Variants in PARN observed in about 807,000 individuals in gnomAD.
The protein encoded by PARN is poly(A)-specific ribonuclease PARN.
In PARN, 71 loss-of-function variants were observed where a neutral mutation model predicts 102.8. The ratio of observed to expected loss-of-function variants is 0.69; its 90% CI spans 0.57 to 0.84. The LOEUF (loss-of-function observed/expected upper bound fraction) is 0.84. PARN is among the 40% of genes least tolerant of loss of function. PARN has a pLI of 0.00. For synonymous variants in PARN, 261 were observed against 252.9 expected (o/e 1.03, Z -0.30); for missense variants, 782 against 760.9 (o/e 1.03, Z -0.33).
chr16:14,584,411 G>A lies in PARN; in HGVS notation c.1017C>T (p.Asn339=). Residue 339 remains asparagine, a synonymous_variant, in exon 16 of 24, where the codon AAC becomes AAT. Coordinates refer to ENST00000437198, the MANE Select transcript of PARN (RefSeq NM_002582.4). ...ASTQPFKDII[N]NTSLAELEKR... ...TTTCCAATTCCGCAAGGGATGTGTT[G>A]TTAATGATATCCTGCAAACCACGAA... is the stretch of plus-strand genomic sequence containing the variant. 1 of 1,612,204 alleles carries A rather than the reference G, an allele frequency of 6.2e-7. No homozygotes were observed. Among genetic ancestry groups the A allele is most frequent in the South Asian group, 1.1e-5 (1 of 91,028 alleles).
chr16:14,613,541 T>G (rs2151801628), intron 6 of PARN, among the ~76,000 whole-genome samples: 1 of 151,998 alleles, frequency 6.6e-6, no homozygotes, highest in Non-Finnish European at 1.5e-5. Context: ...GATAATCACG[T>G]GAATCTGGGA....
At chr16:14,556,106 A>ATT (rs1187518648) in intron 18 of PARN, among the ~76,000 whole-genome samples, 2 of 151,730 alleles carry the variant, frequency 1.3e-5, no homozygotes, top group African/African-American at 4.8e-5. Flanking sequence ...AAGTGCTGGC[A>ATT]TTACAGGCGT....
chr16:14,609,231 A>G, intron 7 of PARN, 108 bp from the exon 8 acceptor site: 1 of 590,344 alleles, frequency 1.7e-6, no homozygotes, highest in Non-Finnish European at 3.0e-6. Flanking sequence ...ACATGTGACA[A>G]TGTAATTCTA....
intron 18 of PARN, among the ~76,000 whole-genome samples, chr16:14,557,792 G>C (rs1199332378): frequency 1.3e-5 from 2 of 152,146 alleles, no homozygotes; most frequent in African/African-American, 4.8e-5. Flanking sequence ...TTTGTAAGCT[G>C]TTTTAACCAA....
At chr16:14,526,740 G>C (rs1596577352) in intron 21 of PARN, among the ~76,000 whole-genome samples, 1 of 152,206 alleles carries the variant, frequency 6.6e-6, no homozygotes, top group Non-Finnish European at 1.5e-5. Context: ...GCCATCCTAT[G>C]TCTCCATTTG....
intron 20 of PARN, 145 bp downstream of exon 20, chr16:14,553,920 T>C (rs375446590): frequency 4.5e-5 from 28 of 628,108 alleles, no homozygotes; most frequent in East Asian, 3.3e-4. Flanking sequence ...AACAGTATCC[T>C]AAACCAGAAA....
intron 21 of PARN, among the ~76,000 whole-genome samples, chr16:14,548,752 C>T (rs1417064016): frequency 6.6e-6 from 1 of 152,040 alleles, no homozygotes; most frequent in Non-Finnish European, 1.5e-5. Flanking sequence ...GCCAGGGGTT[C>T]GAAATCGGCC....
intron 21 of PARN, among the ~76,000 whole-genome samples, chr16:14,546,582 T>C (rs1966958204): frequency 6.6e-6 from 1 of 152,350 alleles, no homozygotes; most frequent in Middle Eastern, 3.4e-3. Flanking sequence ...TTTCAAAATA[T>C]GTGAAAAAGC....
rs970985642 is a variant in PARN, at chr16:14,448,312, C to T, written c.1671-1231G>A. On this transcript the variant is annotated intron_variant, in intron 22 of 23. Transcript: ENST00000437198. Reference sequence around the variant, plus strand: ...TACAGGCATGCACCACGAAGTCTGGCTGATTTTTGTATTTTTAGTAGAGAT... The same window carrying T: ...TACAGGCATGCACCACGAAGTCTGGTTGATTTTTGTATTTTTAGTAGAGAT... 3.9e-5 allele frequency among the ~76,000 whole-genome samples: 6 copies of T among 152,330 alleles called. No homozygotes were observed. In the South Asian group the frequency reaches 8.3e-4, roughly 21 times the overall value.
At chr16:14,491,271 G>A (rs1964044772) in intron 21 of PARN, among the ~76,000 whole-genome samples, 1 of 150,552 alleles carries the variant, frequency 6.6e-6, no homozygotes, top group African/African-American at 2.4e-5. Flanking sequence ...CCCAACTGGT[G>A]TACCAGCAAG....
chr16:14,567,742 G>A (rs2151729031), intron 18 of PARN, among the ~76,000 whole-genome samples: 1 of 152,238 alleles, frequency 6.6e-6, no homozygotes, highest in African/African-American at 2.4e-5. Flanking sequence ...GGATGTGCCC[G>A]GCACAGGCAG....
At chr16:14,587,640 T>A (rs1009256379) in intron 13 of PARN, among the ~76,000 whole-genome samples, 1 of 152,198 alleles carries the variant, frequency 6.6e-6, no homozygotes, top group African/African-American at 2.4e-5. Flanking sequence ...AGCCTTCTAA[T>A]TTATTAGGCT....
rs1232126643 is a variant in PARN, at chr16:14,471,345, TTA to T, written c.1670+11291_1670+11292del. On this transcript the variant is annotated intron_variant, in intron 22 of 23. Coordinates refer to ENST00000437198, the MANE Select transcript of PARN (RefSeq NM_002582.4). Reference sequence around the variant, plus strand: ...ATGAACTCAAATGTGATAACTCATATTATATGATAATTCACTCATGAATTATC... The same window carrying T: ...ATGAACTCAAATGTGATAACTCATATTATGATAATTCACTCATGAATTATC... 5.3e-5 allele frequency among the ~76,000 whole-genome samples: 8 copies of T among 152,196 alleles called. No homozygotes were observed. The South Asian group carries it at 6.2e-4, about 12-fold the overall frequency.
At chr16:14,617,079 A>T (rs1971954332) in intron 6 of PARN, among the ~76,000 whole-genome samples, 1 of 150,838 alleles carries the variant, frequency 6.6e-6, no homozygotes, top group African/African-American at 2.4e-5. Flanking sequence ...TTTTTTTTAA[A>T]AAAAAAAAAA....
intron 12 of PARN, among the ~76,000 whole-genome samples, chr16:14,596,177 G>A (rs1023803471): frequency 3.9e-5 from 6 of 152,146 alleles, no homozygotes; most frequent in Non-Finnish European, 8.8e-5. Flanking sequence ...AGGAACCAGA[G>A]CTCCGTGGAG....
Position 14,584,754 on chromosome 16 carries a change from A to G in PARN, c.1000T>C (p.Phe334Leu), listed in dbSNP as rs1490537533. ...DTKLMASTQP[F>L]KDIINNTSLA... ...AAGTAGCAAATGAATAATACCTTAA[A>G]AGGTTGTGTGCTGGCCATCAATTTA... Residue 334 changes from phenylalanine to leucine, a missense_variant, in exon 15 of 24, where the codon TTT becomes CTT. Transcript: ENST00000437198. The G allele has an allele frequency of 6.4e-7, 1 of 1,573,318 alleles. No individual in the cohort carries two copies. Among genetic ancestry groups the G allele is most frequent in the South Asian group, 1.2e-5 (1 of 84,268 alleles).
chr16:14,608,459 G>A, intron 8 of PARN, 140 bp from the exon 9 acceptor site: 2 of 592,392 alleles, frequency 3.4e-6, no homozygotes, highest in East Asian at 5.8e-5. Context: ...AAAATACGCA[G>A]GTTTTTTGAG....
At chr16:14,617,483 G>A (rs1009109768) in intron 6 of PARN, 107 bp downstream of exon 6, 4 of 692,466 alleles carry the variant, frequency 5.8e-6, no homozygotes, top group Admixed American at 2.1e-5. Context: ...CTCTAAGACT[G>A]TGTCTCAGCA....
At chr16:14,495,858 T>C (rs1964287443) in intron 21 of PARN, among the ~76,000 whole-genome samples, 1 of 151,950 alleles carries the variant, frequency 6.6e-6, no homozygotes, top group African/African-American at 2.4e-5. Flanking sequence ...GCTTTGTGAA[T>C]CTGGGGGCAG....
Sources: gnomAD v4.1 joint callset for allele counts (sites outside exome capture counted in the v4.1 genomes callset) on GRCh38, gnomAD v4.1.1 for gene constraint, MANE v1.5 for transcripts, NCBI Gene and HGNC (gene_info 2026-07-23, HGNC 2026-07-21) for gene names.